The following XNDC1N variants were observed in gnomAD, a reference collection of about 807,000 sequenced individuals.
The protein encoded by XNDC1N is XRCC1 N-terminal domain containing 1, N-terminal like, also known as protein XNDC1N.
chr11:71,879,953 C>T, the XNDC1N span, among the ~76,000 whole-genome samples: 2 of 152,162 alleles, frequency 1.3e-5, no homozygotes, highest in East Asian at 3.9e-4. Context: ...TCAGTATATC[C>T]CACTTTAAGA....
At chr11:71,910,496 G>A in the XNDC1N span, among the ~76,000 whole-genome samples, 1 of 152,186 alleles carries the variant, frequency 6.6e-6, no homozygotes, top group African/African-American at 2.4e-5. Flanking sequence ...GAGACCTCCA[G>A]AAGTTTCCCA....
At chr11:71,918,519 G>C in the XNDC1N span, among the ~76,000 whole-genome samples, 6 of 152,094 alleles carry the variant, frequency 3.9e-5, no homozygotes. Context: ...TGGGCTCAAG[G>C]GATCCTCCCG....
chr11:71,911,069 T>C, the XNDC1N span, among the ~76,000 whole-genome samples: 1 of 152,236 alleles, frequency 6.6e-6, no homozygotes, highest in Non-Finnish European at 1.5e-5. Flanking sequence ...CCTACATCTC[T>C]CAACAACTGG....
the XNDC1N span, among the ~76,000 whole-genome samples, chr11:71,874,837 TTCTA>T: frequency 6.6e-6 from 1 of 152,224 alleles, no homozygotes; most frequent in Non-Finnish European, 1.5e-5. Context: ...TTACCTTATT[TTCTA>T]TCTTTTTCTC....
At chr11:71,877,737 T>C in the XNDC1N span, among the ~76,000 whole-genome samples, 1 of 152,232 alleles carries the variant, frequency 6.6e-6, no homozygotes, top group African/African-American at 2.4e-5. Flanking sequence ...ATTTCCTTAG[T>C]GTCTAAGAAG....
the XNDC1N span, among the ~76,000 whole-genome samples, chr11:71,907,406 A>G: frequency 0.92 from 137,016 of 149,712 alleles, 63,057 homozygotes; most frequent in Non-Finnish European, 0.98. Context: ...CTGGCTCTTA[A>G]GACCCCCATC....
the XNDC1N span, chr11:71,916,143 A>G: frequency 1.4e-6 from 1 of 703,024 alleles, no homozygotes; most frequent in East Asian, 2.7e-5. Flanking sequence ...CCAGAGAAGA[A>G]CACACCCGTA....
the XNDC1N span, among the ~76,000 whole-genome samples, chr11:71,905,283 AGGGTGTGATATTAG>A: frequency 6.6e-6 from 1 of 152,056 alleles, no homozygotes; most frequent in African/African-American, 2.4e-5. Context: ...ATGCTATCAC[AGGGTGTGATATTAG>A]GAGTGTGATA....
At chr11:71,904,651 A>G in the XNDC1N span, among the ~76,000 whole-genome samples, 739 of 152,204 alleles carry the variant, frequency 4.9e-3, 1 homozygote, top group Non-Finnish European at 6.4e-3. Flanking sequence ...CCTTTTGCGC[A>G]CACTTTGTGC....
the XNDC1N span, among the ~76,000 whole-genome samples, chr11:71,900,456 A>T: frequency 6.9e-6 from 1 of 145,498 alleles, no homozygotes; most frequent in African/African-American, 2.7e-5. Flanking sequence ...AGTGTGGTGG[A>T]CAGATGGGAG....
At chr11:71,889,314 G>A in the XNDC1N span, among the ~76,000 whole-genome samples, 1 of 152,230 alleles carries the variant, frequency 6.6e-6, no homozygotes, top group African/African-American at 2.4e-5. Flanking sequence ...CCACAAGGTG[G>A]CAGTTATGCA....
chr11:71,898,922 A>G, the XNDC1N span, among the ~76,000 whole-genome samples: 9 of 152,274 alleles, frequency 5.9e-5, no homozygotes, highest in Admixed American at 4.6e-4. Context: ...TAATATTTAT[A>G]TGTGGTATAT....
At chr11:71,900,270 G>A in the XNDC1N span, among the ~76,000 whole-genome samples, 3 of 152,266 alleles carry the variant, frequency 2.0e-5, no homozygotes, top group Admixed American at 6.5e-5. Flanking sequence ...CCGGTCCCCT[G>A]GGCTCACTGT....
At chr11:71,913,711 C>T in the XNDC1N span, among the ~76,000 whole-genome samples, 33 of 149,996 alleles carry the variant, frequency 2.2e-4, no homozygotes, top group African/African-American at 8.1e-4. Context: ...AAGATGCCAT[C>T]TAGGAGTTTC....
the XNDC1N span, among the ~76,000 whole-genome samples, chr11:71,895,179 A>G: frequency 6.6e-6 from 1 of 152,086 alleles, no homozygotes; most frequent in Non-Finnish European, 1.5e-5. Flanking sequence ...AGAGGCATCA[A>G]GCTCCAAAGA....
At chr11:71,916,050 T>A in the XNDC1N span, 19 of 691,692 alleles carry the variant, frequency 2.7e-5, no homozygotes, top group Non-Finnish European at 3.4e-5. Context: ...AAACATTAAA[T>A]CCTCACTCCA....
At chr11:71,899,710 G>C in the XNDC1N span, among the ~76,000 whole-genome samples, 1 of 152,176 alleles carries the variant, frequency 6.6e-6, no homozygotes, top group Non-Finnish European at 1.5e-5. Flanking sequence ...CCTTGAAAGC[G>C]GCATATTGTC....
At chr11:71,870,172 C>T in the XNDC1N span, among the ~76,000 whole-genome samples, 717 of 152,318 alleles carry the variant, frequency 4.7e-3, 9 homozygotes, top group African/African-American at 0.017. Context: ...CTGCCCTTGA[C>T]ACATGGGGAT....
chr11:71,894,704 C>T, the XNDC1N span, among the ~76,000 whole-genome samples: 6 of 152,326 alleles, frequency 3.9e-5, no homozygotes, highest in Middle Eastern at 6.8e-3. Context: ...TTCATATACA[C>T]GAAGTCCTCA....
Sources: gnomAD v4.1 joint callset for allele counts (sites outside exome capture counted in the v4.1 genomes callset) on GRCh38, gnomAD v4.1.1 for gene constraint, MANE v1.5 for transcripts, NCBI Gene and HGNC (gene_info 2026-07-23, HGNC 2026-07-21) for gene names.